EPG5: variants seen among roughly 807,000 people sequenced by gnomAD.
EPG5 encodes the protein ectopic P-granules 5 autophagy tethering factor.
EPG5 carries 159 observed loss-of-function variants against 302.7 expected under a neutral mutation model. The ratio of observed to expected loss-of-function variants is 0.53; its 90% CI spans 0.46 to 0.60. The LOEUF is 0.60. Among genes scored for constraint, EPG5 ranks in the 20% least tolerant of loss-of-function variants. The probability of loss-of-function intolerance (pLI) is 0.00; values close to 1 mark genes in which losing one functional copy is unlikely to be tolerated. For missense variants in EPG5, 2,896 were observed against 3,092.4 expected (o/e 0.94, Z 1.51); for synonymous variants, 1,158 against 1,136.8 (o/e 1.02, Z -0.37).
chr18:45,912,247 G>A (rs765380934), intron 22 of EPG5, 43 bp downstream of exon 22: 1 of 1,501,816 alleles, frequency 6.7e-7, no homozygotes, highest in South Asian at 1.4e-5. Flanking sequence ...CAGTGCAAAG[G>A]CAGAAATGGA....
chr18:45,964,460 GACA>G (rs1274955554), intron 1 of EPG5, among the ~76,000 whole-genome samples: 1 of 152,132 alleles, frequency 6.6e-6, no homozygotes, highest in Non-Finnish European at 1.5e-5. Flanking sequence ...TGCTCTCATA[GACA>G]ACTAACATTT....
chr18:45,907,585 C>T (rs1568141733), intron 24 of EPG5, among the ~76,000 whole-genome samples: 1 of 152,066 alleles, frequency 6.6e-6, no homozygotes, highest in Non-Finnish European at 1.5e-5. Context: ...ATATGGATCC[C>T]TACAAATTCT....
Position 45,884,683 on chromosome 18 carries a change from C to T in EPG5, c.5238G>A (p.Leu1746=), listed in dbSNP as rs764180133. The T allele has an allele frequency of 4.3e-6, 7 of 1,611,582 alleles. No homozygotes were observed. The African/African-American group carries it at 6.7e-5, about 15-fold the overall frequency. The change falls in exon 30 of 44, where the codon CTG becomes CTA. Residue 1746 remains leucine, a synonymous_variant. Transcript: ENST00000282041. ...PNAAPAEFIQ[L]YEQVVKFLSE... is the part of the protein sequence containing the mutation. ...TTAGAAACTTCACCACTTGCTCATA[C>T]AGCTGTATGAACTCTGCAGGTGCAG...
At chr18:45,895,022 C>A (rs957904247) in intron 27 of EPG5, among the ~76,000 whole-genome samples, 1 of 152,016 alleles carries the variant, frequency 6.6e-6, no homozygotes, top group African/African-American at 2.4e-5. Flanking sequence ...AAGGGAGAAG[C>A]GAGGTGTGCA....
At chr18:45,809,435 C>T in the EPG5 span, among the ~76,000 whole-genome samples, 26 of 152,252 alleles carry the variant, frequency 1.7e-4, no homozygotes, top group African/African-American at 6.0e-4. Context: ...TTCAACAGCA[C>T]ATGGAACCTT....
chr18:45,837,367 C>G, the EPG5 span: 1 of 1,274,276 alleles, frequency 7.8e-7, no homozygotes, highest in African/African-American at 1.6e-5. Context: ...TCCGGCTCCC[C>G]TGGAAGTGGG....
At chr18:45,944,854 G>A (rs928330003) in intron 7 of EPG5, among the ~76,000 whole-genome samples, 12 of 152,196 alleles carry the variant, frequency 7.9e-5, no homozygotes, top group South Asian at 4.1e-4. Flanking sequence ...GACTTAAGAC[G>A]AAGCAATTGA....
At chr18:45,832,204 A>G in the EPG5 span, among the ~76,000 whole-genome samples, 1 of 152,330 alleles carries the variant, frequency 6.6e-6, no homozygotes, top group African/African-American at 2.4e-5. Context: ...CCTCAATCCT[A>G]TGTGGAAGGT....
intron 39 of EPG5, among the ~76,000 whole-genome samples, chr18:45,861,251 T>C (rs1052653092): frequency 6.6e-6 from 1 of 152,250 alleles, no homozygotes; most frequent in African/African-American, 2.4e-5. Context: ...AAAACAAGTT[T>C]GAGAGAGATA....
In EPG5 at chr18:45,901,162, C is replaced by G; in HGVS notation, c.4480G>C (p.Glu1494Gln). The G allele has an allele frequency of 6.2e-7, 1 of 1,613,934 alleles. No homozygotes were observed. The highest frequency in any genetic ancestry group is 2.2e-5 in the East Asian group (1 of 44,890). The change falls in exon 26 of 44, where the codon GAA (glutamate) becomes CAA (glutamine). Residue 1494 changes from glutamate to glutamine, a missense_variant. This residue lies in a region of EPG5 where 790 missense variants were observed against 798.0 expected (regional missense o/e 0.99). Coordinates refer to ENST00000282041, the MANE Select transcript of EPG5 (RefSeq NM_020964.3). ...LDFTDPLLAK[E>Q]RVLSNLRKHE... The stretch of plus-strand genomic sequence containing the variant: ...TTCCGCAAGTTACTTAAAACCCTTT[C>G]TTTAGCTGAAAGAAAATTAAGTCAT...
At chr18:45,929,127 ACTATGTTCC>A in intron 12 of EPG5, 118 bp from the exon 13 acceptor site, 1 of 1,033,718 alleles carries the variant, frequency 9.7e-7, no homozygotes, top group Admixed American at 2.7e-5. Context: ...CTTAATTGAC[ACTATGTTCC>A]AAAAAATGTT....
At chr18:45,827,715 A>C in the EPG5 span, among the ~76,000 whole-genome samples, 2 of 152,220 alleles carry the variant, frequency 1.3e-5, no homozygotes, top group Admixed American at 6.5e-5. Context: ...CAGTGGCCGC[A>C]CGATAAATAA....
Position 45,927,960 on chromosome 18 carries a change from G to A in EPG5, c.2553+909C>T, listed in dbSNP as rs540305747. Reference sequence around the variant, plus strand: ...TGTAATCCCAGCACTTTGGGAGACCGAGGTGGGTGGATCACCTGAGGTTAG... The same window carrying A: ...TGTAATCCCAGCACTTTGGGAGACCAAGGTGGGTGGATCACCTGAGGTTAG... On this transcript the variant is annotated intron_variant, in intron 13 of 43. Coordinates refer to ENST00000282041, the MANE Select transcript of EPG5 (RefSeq NM_020964.3). 7.3e-4 allele frequency among the ~76,000 whole-genome samples: 111 copies of A among 152,216 alleles called. 1 individual carries two copies. Among genetic ancestry groups the A allele is most frequent in the Non-Finnish European group, 1.4e-3 (98 of 68,010 alleles).
At position 45,900,961 on chromosome 18, in the gene EPG5, A is replaced by G. The variant is rs3826634; in HGVS notation, c.4646+35T>C. ...TATCCAGGCTGTCAAAGCCACCAAC[A>G]TGGGAACATGATCCGTGAGGCTGCA... On this transcript the variant is annotated intron_variant, in intron 26 of 43. Coordinates refer to ENST00000282041, the MANE Select transcript of EPG5 (RefSeq NM_020964.3). 0.17 allele frequency: 270,829 copies of G among 1,577,280 alleles called. 27,110 individuals are homozygous for G. The highest frequency in any genetic ancestry group is 0.38 in the Admixed American group (21,547 of 56,352).
chr18:45,891,697 G>A (rs1430250580), intron 27 of EPG5, among the ~76,000 whole-genome samples: 2 of 151,812 alleles, frequency 1.3e-5, no homozygotes, highest in African/African-American at 4.8e-5. Flanking sequence ...AAAGAAAAAA[G>A]CTCTGTGACA....
the EPG5 span, among the ~76,000 whole-genome samples, chr18:45,824,396 C>CCA: frequency 3.9e-5 from 6 of 152,072 alleles, no homozygotes; most frequent in Non-Finnish European, 5.9e-5. Flanking sequence ...TTAGTAGAGA[C>CCA]GGTGTTTCAC....
intron 32 of EPG5, 44 bp downstream of exon 32, chr18:45,880,031 T>C: frequency 1.3e-6 from 2 of 1,488,376 alleles, no homozygotes; most frequent in South Asian, 2.7e-5. Context: ...GCAAGGGAAA[T>C]AAAAAGAAAT....
intron 2 of EPG5, chr18:45,953,953 A>G (rs1599647510): frequency 1.0e-6 from 1 of 983,434 alleles, no homozygotes; most frequent in Middle Eastern, 5.2e-4. Flanking sequence ...GTCACAAACT[A>G]ATGACCCATG....
At chr18:45,899,641 C>T (rs1309392322) in intron 26 of EPG5, 75 bp from the exon 27 acceptor site, 2 of 1,489,972 alleles carry the variant, frequency 1.3e-6, no homozygotes, top group African/African-American at 1.4e-5. Context: ...CTTCCAGTTA[C>T]CCACAGCCAG....
Sources: allele counts gnomAD v4.1 joint callset (sites outside exome capture counted in the v4.1 genomes callset), GRCh38; gene constraint gnomAD v4.1.1; regional missense constraint gnomAD v4.1.1; transcripts MANE v1.5; gene names NCBI Gene and HGNC (gene_info 2026-07-23, HGNC 2026-07-21).